The following DMD variants were observed in gnomAD, a reference collection of about 807,000 sequenced individuals.
The protein encoded by DMD is mutant dystrophin.
A neutral mutation model predicts 330.1 loss-of-function variants in DMD; 63 were observed. The ratio of observed to expected loss-of-function variants is 0.19; its 90% CI spans 0.16 to 0.24. The LOEUF is 0.24. DMD is among the 10% of genes least tolerant of loss of function. The probability of loss-of-function intolerance (pLI) is 1.00; values close to 1 mark genes in which losing one functional copy is unlikely to be tolerated. For missense variants in DMD, 3,344 were observed against 2,684.1 expected, an observed-to-expected ratio of 1.25 and a Z score of -5.43; for synonymous variants, 1,223 against 959.8, an observed-to-expected ratio of 1.27 and a Z score of -5.07.
intron 28 of DMD, 91 bp downstream of exon 28, chrX:32,441,089 T>C (rs998767436): frequency 3.1e-6 from 3 of 968,715 alleles, no homozygotes; most frequent in Non-Finnish European, 4.4e-6. Context: ...CTCTCTTGGG[T>C]TGTTTTCTTT....
At chrX:31,939,717 A>G in intron 45 of DMD, among the ~76,000 whole-genome samples, 1 of 111,868 alleles carries the variant, frequency 8.9e-6, no homozygotes. Flanking sequence ...AAATATGGAT[A>G]CAGAGCTTTC....
At chrX:31,459,172 C>T (rs145193479) in intron 59 of DMD, among the ~76,000 whole-genome samples, 244 of 111,530 alleles carry the variant, frequency 2.2e-3, no homozygotes, top group African/African-American at 7.5e-3. Context: ...AGGTAAAATG[C>T]CGTTGCATAC....
chrX:32,664,669 T>C (rs1176918293), intron 9 of DMD, among the ~76,000 whole-genome samples: 3 of 112,158 alleles, frequency 2.7e-5, no homozygotes, highest in East Asian at 2.8e-4. Flanking sequence ...GGAAAAACTA[T>C]TGACGAAGCA....
intron 41 of DMD, among the ~76,000 whole-genome samples, chrX:32,341,441 T>A (rs1413782241): frequency 1.8e-5 from 2 of 111,971 alleles, no homozygotes; most frequent in East Asian, 5.7e-4. Context: ...AACCATACAC[T>A]TTCCATTCAG....
upstream of DMD, among the ~76,000 whole-genome samples, chrX:33,216,274 A>T (rs2148869770): frequency 8.9e-6 from 1 of 111,909 alleles, no homozygotes; most frequent in African/African-American, 3.2e-5. Context: ...ATGAAAAAGA[A>T]TGAAATCATG....
chrX:31,380,643 A>G lies in DMD; in HGVS notation c.9085-32009T>C, dbSNP rs187297147. Among the ~76,000 whole-genome samples, 260 of 111,449 alleles carry G rather than the reference A, an allele frequency of 2.3e-3. 2 individuals are homozygous for G. Among genetic ancestry groups the G allele is most frequent in the African/African-American group, 8.0e-3 (246 of 30,596 alleles). On this transcript the variant is annotated intron_variant, in intron 60 of 78. Transcript: ENST00000357033. Reference sequence around the variant, plus strand: ...GTTTACAGGTTAGTTCAGGATCTGCACCTTATCAACCAAATTGTTTTGCCT... The same window carrying G: ...GTTTACAGGTTAGTTCAGGATCTGCGCCTTATCAACCAAATTGTTTTGCCT...
At chrX:32,321,361 A>G (rs1222832007) in intron 41 of DMD, among the ~76,000 whole-genome samples, 1 of 111,514 alleles carries the variant, frequency 9.0e-6, no homozygotes, top group African/African-American at 3.3e-5. Flanking sequence ...TGAACTGGTG[A>G]TATTTCAAAG....
At chrX:31,704,348 G>C (rs1390727307) in intron 52 of DMD, among the ~76,000 whole-genome samples, 4 of 111,097 alleles carry the variant, frequency 3.6e-5, no homozygotes, top group African/African-American at 1.3e-4. Flanking sequence ...AGAGAAGAAA[G>C]ACCTGGAGAG....
chrX:31,916,847 T>C (rs1357286633), intron 47 of DMD, among the ~76,000 whole-genome samples: 1 of 112,584 alleles, frequency 8.9e-6, no homozygotes, highest in Non-Finnish European at 1.9e-5. Context: ...ATACTTGGGT[T>C]ATGAACCCCA....
intron 61 of DMD, among the ~76,000 whole-genome samples, chrX:31,344,038 G>GGA (rs553750944): frequency 5.0e-5 from 2 of 39,791 alleles, no homozygotes; most frequent in African/African-American, 3.7e-4. Context: ...ATTGGAGTGC[G>GGA]GGGGGGGGTG....
At chrX:32,150,252 G>A (rs1405850569) in intron 44 of DMD, among the ~76,000 whole-genome samples, 1 of 112,166 alleles carries the variant, frequency 8.9e-6, no homozygotes, top group Non-Finnish European at 1.9e-5. Flanking sequence ...ATAAAACAGG[G>A]TAATGTGTTC....
At chrX:32,835,477 C>T (rs1198500430) in intron 4 of DMD, among the ~76,000 whole-genome samples, 1 of 112,548 alleles carries the variant, frequency 8.9e-6, no homozygotes, top group Non-Finnish European at 1.9e-5. Flanking sequence ...CAGCAAATAC[C>T]GCAATAAAGT....
intron 42 of DMD, among the ~76,000 whole-genome samples, chrX:32,299,883 C>A (rs1368475383): frequency 1.8e-5 from 2 of 111,492 alleles, no homozygotes; most frequent in East Asian, 5.7e-4. Flanking sequence ...AAGGATTCCT[C>A]CTCTATAAAA....
intron 43 of DMD, among the ~76,000 whole-genome samples, chrX:32,286,967 A>G (rs1403243915): frequency 9.0e-6 from 1 of 111,530 alleles, no homozygotes; most frequent in East Asian, 2.8e-4. Context: ...ATGTAATTGA[A>G]TTTCTGCCAC....
At chrX:31,242,262 CAAAAAAAAA>C (rs72176984) in intron 63 of DMD, among the ~76,000 whole-genome samples, 3 of 24,643 alleles carry the variant, frequency 1.2e-4, no homozygotes, top group South Asian at 6.5e-3. Context: ...TCTCAAAAAG[CAAAAAAAAA>C]AAAAAAAAAA....
intron 55 of DMD, among the ~76,000 whole-genome samples, chrX:31,610,909 G>A (rs1274011482): frequency 9.0e-6 from 1 of 111,080 alleles, no homozygotes; most frequent in East Asian, 2.8e-4. Flanking sequence ...ATCTGGCTTA[G>A]CTTTTCCTTT....
rs750669648 is a variant in DMD, at chrX:32,828,498, C to CAT, written c.265-5113_265-5112dup. Among the ~76,000 whole-genome samples the CAT allele has an allele frequency of 4.3e-3, 464 of 108,962 alleles. 5 individuals are homozygous for CAT. The highest frequency in any genetic ancestry group is 9.8e-3 in the Middle Eastern group (2 of 204). The allele number at this position is 108,962 out of a possible 115,157, so 94.6% of individuals were successfully genotyped here. ...CTCTGCTCTAGTAGATACATCTATA[C>CAT]ATATATATATACGCATCATTTCAGG... On this transcript the variant is annotated intron_variant, in intron 4 of 78. Transcript: ENST00000357033.
chrX:32,793,506 A>G (rs1327706126), intron 7 of DMD, among the ~76,000 whole-genome samples: 1 of 110,118 alleles, frequency 9.1e-6, no homozygotes, highest in Non-Finnish European at 1.9e-5. Flanking sequence ...TTTGATTTTT[A>G]AAAAGATGAA....
chrX:32,645,231 T>A, intron 9 of DMD, 79 bp from the exon 10 acceptor site: 1 of 1,061,300 alleles, frequency 9.4e-7, no homozygotes, highest in Non-Finnish European at 1.3e-6. Flanking sequence ...ATGAATCGAA[T>A]GAAATATTTA....
Sources: allele counts gnomAD v4.1 joint callset (sites outside exome capture counted in the v4.1 genomes callset), GRCh38; gene constraint gnomAD v4.1.1; transcripts MANE v1.5; gene names NCBI Gene and HGNC (gene_info 2026-07-23, HGNC 2026-07-21).